USH2A: variants seen among roughly 807,000 people sequenced by gnomAD.
The protein encoded by USH2A is Usher syndrome 2A (autosomal recessive, mild).
USH2A carries 443 observed loss-of-function variants against 538.9 expected under a neutral mutation model. The ratio of observed to expected loss-of-function variants is 0.82; its 90% CI spans 0.76 to 0.89. USH2A has a LOEUF of 0.89. Ranked by LOEUF, USH2A falls within the 40% of genes least tolerant of loss-of-function variation. The pLI is 0.00. For missense variants in USH2A, 6,633 were observed against 6,324.8 expected, an observed-to-expected ratio of 1.05 and a Z score of -1.65; for synonymous variants, 2,413 against 2,273.5, an observed-to-expected ratio of 1.06 and a Z score of -1.75.
intron 35 of USH2A, among the ~76,000 whole-genome samples, chr1:215,988,889 A>T (rs566073530): frequency 2.6e-5 from 4 of 152,266 alleles, no homozygotes; most frequent in Non-Finnish European, 5.9e-5. Flanking sequence ...CAAGGAAGAG[A>T]ACTGAAATAA....
chr1:216,088,373 T>C (rs2032199374), intron 23 of USH2A, among the ~76,000 whole-genome samples: 1 of 152,166 alleles, frequency 6.6e-6, no homozygotes, highest in African/African-American at 2.4e-5. Flanking sequence ...TCCCATAAAA[T>C]GTAAGTTTTA....
intron 11 of USH2A, among the ~76,000 whole-genome samples, chr1:216,281,343 T>C (rs2036771763): frequency 6.6e-6 from 1 of 152,114 alleles, no homozygotes; most frequent in African/African-American, 2.4e-5. Context: ...ATAAAGCAGA[T>C]TTGGAAAGAG....
intron 11 of USH2A, among the ~76,000 whole-genome samples, chr1:216,275,984 T>A (rs2036663274): frequency 6.6e-6 from 1 of 152,178 alleles, no homozygotes; most frequent in Non-Finnish European, 1.5e-5. Context: ...CTGAACACTA[T>A]GCTGAGTGCT....
intron 38 of USH2A, among the ~76,000 whole-genome samples, chr1:215,915,244 A>G (rs1665921865): frequency 6.6e-6 from 1 of 152,078 alleles, no homozygotes; most frequent in Admixed American, 6.6e-5. Flanking sequence ...GTTGTTTAAA[A>G]TTAGCCAAAC....
At chr1:215,786,286 G>T (rs1352017804) in intron 52 of USH2A, among the ~76,000 whole-genome samples, 1 of 152,152 alleles carries the variant, frequency 6.6e-6, no homozygotes, top group Non-Finnish European at 1.5e-5. Flanking sequence ...TAATCAGACA[G>T]GTTCATCCTT....
intron 38 of USH2A, among the ~76,000 whole-genome samples, chr1:215,932,624 CTT>C (rs1414481022): frequency 6.6e-6 from 1 of 151,992 alleles, no homozygotes; most frequent in Non-Finnish European, 1.5e-5. Flanking sequence ...CCATAATAAA[CTT>C]TAGCGAATCA....
In USH2A at chr1:216,199,154, G is replaced by A. The variant is rs1311532384; in HGVS notation, c.3811+473C>T. Among the ~76,000 whole-genome samples the A allele has an allele frequency of 2.6e-5, 4 of 152,156 alleles. No individual in the cohort carries two copies. In the East Asian group the frequency reaches 7.7e-4, roughly 29 times the overall value. ...ATTAAAAATCTGTGAATGTGTGTCT[G>A]GCCTATATAACCAAGGGTTCAAATG... On this transcript the variant is annotated intron_variant, in intron 17 of 71. Coordinates refer to ENST00000307340, the MANE Select transcript of USH2A (RefSeq NM_206933.4).
At chr1:216,411,184 ACT>A in intron 3 of USH2A, among the ~76,000 whole-genome samples, 1 of 152,126 alleles carries the variant, frequency 6.6e-6, no homozygotes, top group African/African-American at 2.4e-5. Context: ...TGCCAGCGAC[ACT>A]CTAACCACTT....
chr1:215,961,542 T>C (rs1667201660), intron 37 of USH2A, among the ~76,000 whole-genome samples: 2 of 151,316 alleles, frequency 1.3e-5, no homozygotes, highest in South Asian at 4.1e-4. Context: ...ATAAATATTG[T>C]TTGAAAAAAA....
chr1:216,199,638 G>T lies in USH2A; in HGVS notation c.3800C>A (p.Ala1267Glu). 1.2e-6 allele frequency: 2 copies of T among 1,613,966 alleles called. No homozygotes were observed. Among genetic ancestry groups the T allele is most frequent in the South Asian group, 2.2e-5 (2 of 91,064 alleles). The change falls in exon 17 of 72, where the codon GCG becomes GAG. Residue 1267 changes from alanine (A) to glutamate (E), a missense_variant. By Grantham distance (107) the Ala-to-Glu change is moderately radical. Transcript: ENST00000307340. Reference protein sequence around the residue: ...TELHVEWSPPAELNGIIIRYE... With the variant: ...TELHVEWSPPEELNGIIIRYE... ...CCTTGGATTCTTACCATTTAGTTCC[G>T]CTGGTGGAGACCATTCTACATGAAG... is the stretch of plus-strand genomic sequence containing the variant.
chr1:215,987,009 TA>T (rs1667887317), intron 35 of USH2A, among the ~76,000 whole-genome samples: 1 of 152,166 alleles, frequency 6.6e-6, no homozygotes, highest in Non-Finnish European at 1.5e-5. Context: ...TAGCTATTAA[TA>T]AAAGATAAAC....
chr1:216,038,057 T>C (rs2030077920), intron 32 of USH2A, among the ~76,000 whole-genome samples: 1 of 152,208 alleles, frequency 6.6e-6, no homozygotes, highest in South Asian at 2.1e-4. Context: ...GTTAATTGTT[T>C]GTCTTCCTCA....
chr1:216,089,946 G>A (rs1462461194), intron 22 of USH2A, among the ~76,000 whole-genome samples: 1 of 151,868 alleles, frequency 6.6e-6, no homozygotes, highest in Non-Finnish European at 1.5e-5. Flanking sequence ...TGTGTTAAGT[G>A]AATAAGACTA....
chr1:215,816,888 A>G (rs1371798222), intron 48 of USH2A, 109 bp downstream of exon 48: 1 of 1,195,934 alleles, frequency 8.4e-7, no homozygotes, highest in East Asian at 2.4e-5. Context: ...TTCTTCATAG[A>G]GTAGTGGAAA....
rs1656934454 is a variant in USH2A, at chr1:215,648,522, C to A, written c.14582+6G>T. The A allele has an allele frequency of 6.2e-7, 1 of 1,613,708 alleles. No individual in the cohort carries two copies. The highest frequency in any genetic ancestry group is 8.5e-7 in the Non-Finnish European group (1 of 1,179,742). On this transcript the variant is annotated splice_donor_region_variant and intron_variant, in intron 66 of 71. Coordinates refer to ENST00000307340, the MANE Select transcript of USH2A (RefSeq NM_206933.4). ...AGTTTCTTCATCCTTCTGCCTGACCCATTACCTGTGAATGACACCATTGGG... is the reference window on the plus strand; with the variant it reads ...AGTTTCTTCATCCTTCTGCCTGACCAATTACCTGTGAATGACACCATTGGG...
chr1:216,205,811 AGAG>A (rs1330437740), intron 16 of USH2A, among the ~76,000 whole-genome samples: 1 of 152,226 alleles, frequency 6.6e-6, no homozygotes, highest in African/African-American at 2.4e-5. Context: ...AGCAAAAATC[AGAG>A]AAGATAGAGC....
At chr1:216,214,639 T>TA (rs2035308697) in intron 15 of USH2A, among the ~76,000 whole-genome samples, 1 of 152,032 alleles carries the variant, frequency 6.6e-6, no homozygotes, top group South Asian at 2.1e-4. Flanking sequence ...TGCACAAGTC[T>TA]AAATTTACTA....
At position 216,316,445 on chromosome 1, in the gene USH2A, G is replaced by A. The variant is rs144373727; in HGVS notation, c.1644+5438C>T. On this transcript the variant is annotated intron_variant, in intron 9 of 71. Transcript: ENST00000307340. ...TTGCTTTAGGAGGTTAAGAAGCTCC[G>A]AGTCTTTCAAGGCCAGGTAGTTCAC... Among the ~76,000 whole-genome samples the A allele has an allele frequency of 3.0e-3, 453 of 152,208 alleles. 3 individuals are homozygous for A. Among genetic ancestry groups the A allele is most frequent in the African/African-American group, 9.9e-3 (412 of 41,540 alleles).
At position 215,900,182 on chromosome 1, in the gene USH2A, T is replaced by C. The variant is rs765341308; in HGVS notation, c.7487A>G (p.Glu2496Gly). The change falls in exon 40 of 72, where the codon GAA becomes GGA. Residue 2496 changes from glutamate to glycine, a missense_variant. Transcript: ENST00000307340. ...TGTGTACGGTTGGAGATCACTCACT[T>C]CATAGCTTAACGATGCAGAAGGATT... ...FSNPSASLSY[E>G]VSDLQPYTEY... 2 of 1,613,714 alleles carry C rather than the reference T, an allele frequency of 1.2e-6. 1 individual carries two copies. Among genetic ancestry groups the C allele is most frequent in the South Asian group, 2.2e-5 (2 of 91,084 alleles).
Sources: allele counts gnomAD v4.1 joint callset (sites outside exome capture counted in the v4.1 genomes callset), GRCh38; gene constraint gnomAD v4.1.1; transcripts MANE v1.5; gene names NCBI Gene and HGNC (gene_info 2026-07-23, HGNC 2026-07-21).